Variants in SCN10A observed in about 807,000 individuals in gnomAD.
SCN10A encodes the protein sodium channel protein type 10 subunit alpha.
Under a neutral mutation model 170.7 loss-of-function variants are expected in SCN10A, and 162 were observed. The observed-to-expected ratio is 0.95, with a 90% confidence interval of 0.84 to 1.08. SCN10A has a LOEUF of 1.08. SCN10A is among the 50% of genes least tolerant of loss of function. The pLI is 0.00. For synonymous variants in SCN10A, 985 were observed against 904.6 expected (o/e 1.09, Z -1.59); for missense variants, 2,527 against 2,436.9 (o/e 1.04, Z -0.78).
Position 38,792,121 on chromosome 3 carries a change from G to T in SCN10A, c.318C>A (p.Ala106=). The part of the protein sequence containing the change: ...NKGRTISRFS[A]TRALWLFSPF... ...GACTGAATAGCCACAGGGCCCGAGT[G>T]GCACTAAACCGGGAAATGGTCCTCC... The change falls in exon 3 of 28, where the codon GCC becomes GCA. Residue 106 remains alanine (A), a synonymous_variant. Coordinates refer to ENST00000449082, the MANE Select transcript of SCN10A (RefSeq NM_006514.4). 6.2e-7 allele frequency: 1 copy of T among 1,613,812 alleles called. No homozygotes were observed. The highest frequency in any genetic ancestry group is 1.1e-5 in the South Asian group (1 of 91,066).
intron 1 of SCN10A, among the ~76,000 whole-genome samples, chr3:38,809,813 A>G (rs2064428141): frequency 6.6e-6 from 1 of 152,242 alleles, no homozygotes; most frequent in South Asian, 2.1e-4. Flanking sequence ...CAAGGAAATC[A>G]TAATAAAAAT....
At chr3:38,740,863 A>G (rs1212287904) in intron 14 of SCN10A, among the ~76,000 whole-genome samples, 2 of 152,216 alleles carry the variant, frequency 1.3e-5, no homozygotes, top group Non-Finnish European at 2.9e-5. Context: ...TTCTAACTGT[A>G]GAATGAGGGT....
chr3:38,752,327 G>A lies in SCN10A; in HGVS notation c.1647C>T (p.Leu549=), dbSNP rs1576001884. ...LGGGAGQQGP[L]PRSPLPQPSN... Reference sequence around the variant, plus strand: ...TGGGTTGAGGAAGAGGGCTTCTAGGGAGGGGGCCTTGCTGGCCAGCACCCC... The same window carrying A: ...TGGGTTGAGGAAGAGGGCTTCTAGGAAGGGGGCCTTGCTGGCCAGCACCCC... Residue 549 remains leucine, a synonymous_variant, in exon 12 of 28, where the codon CTC becomes CTT. Transcript: ENST00000449082. The A allele has an allele frequency of 1.9e-6, 3 of 1,613,058 alleles. No homozygotes were observed. The highest frequency in any genetic ancestry group is 2.5e-6 in the Non-Finnish European group (3 of 1,179,564).
Position 38,723,602 on chromosome 3 carries a change from G to T in SCN10A, c.3229-49C>A, listed in dbSNP as rs553445383. On this transcript the variant is annotated intron_variant, in intron 18 of 27. Transcript: ENST00000449082. ...GTGAACTCGTCTCTCCGCGGGGCCC[G>T]GGGAATTGCACACGGTCACTGCAGG... 7.1e-6 allele frequency: 11 copies of T among 1,547,072 alleles called. No individual in the cohort carries two copies. In the Admixed American group the frequency reaches 2.2e-4, roughly 30 times the overall value.
intron 13 of SCN10A, 52 bp from the exon 14 acceptor site, chr3:38,742,581 C>T (rs770559204): frequency 7.1e-7 from 1 of 1,406,116 alleles, no homozygotes; most frequent in South Asian, 1.2e-5. Context: ...CACCTTGGAC[C>T]CCAATTCTGC....
At chr3:38,721,649 C>T (rs1470662937) in intron 20 of SCN10A, among the ~76,000 whole-genome samples, 1 of 152,222 alleles carries the variant, frequency 6.6e-6, no homozygotes, top group African/African-American at 2.4e-5. Flanking sequence ...GTGCAAGCAT[C>T]ACCTGGGAGC....
chr3:38,791,075 T>C (rs2064274878), intron 3 of SCN10A, among the ~76,000 whole-genome samples: 1 of 152,208 alleles, frequency 6.6e-6, no homozygotes, highest in Admixed American at 6.5e-5. Context: ...TCCAACAATC[T>C]GCCTCAGAGT....
intron 4 of SCN10A, among the ~76,000 whole-genome samples, chr3:38,776,127 A>G (rs2064071091): frequency 6.6e-6 from 1 of 152,104 alleles, no homozygotes; most frequent in African/African-American, 2.4e-5. Context: ...GGGTACTAGG[A>G]CAAAAGGATC....
intron 27 of SCN10A, among the ~76,000 whole-genome samples, chr3:38,701,079 A>G (rs1384485241): frequency 6.6e-6 from 1 of 152,196 alleles, no homozygotes; most frequent in Admixed American, 6.5e-5. Flanking sequence ...AATAAGGATA[A>G]TAACACCTGC....
intron 1 of SCN10A, among the ~76,000 whole-genome samples, chr3:38,799,591 G>A (rs1015060894): frequency 1.3e-5 from 2 of 152,146 alleles, no homozygotes; most frequent in East Asian, 3.9e-4. Context: ...TGAATACATG[G>A]CTGTACTTGC....
At position 38,769,239 on chromosome 3, in the gene SCN10A, C is replaced by CTTTTTTTT. The variant is rs56406440; in HGVS notation, c.599+2032_599+2039dup. On this transcript the variant is annotated intron_variant, in intron 5 of 27. Transcript: ENST00000449082. ...CACTTAATAATCAGCCTTCTGAATT[C>CTTTTTTTT]TTTTTTTTTTTTTTTTGAGATGGAT... is the stretch of plus-strand genomic sequence containing the variant. Among the ~76,000 whole-genome samples, 89 of 109,944 alleles carry CTTTTTTTT rather than the reference C, an allele frequency of 8.1e-4. 3 individuals carry two copies. The highest frequency in any genetic ancestry group is 2.1e-3 in the African/African-American group (61 of 28,742). 72.1% of individuals were successfully genotyped at this position (109,944 alleles called of 152,430 possible).
At position 38,722,361 on chromosome 3, in the gene SCN10A, C is replaced by T. The variant is rs1409110733; in HGVS notation, c.3404G>A (p.Trp1135Ter). 1.2e-6 allele frequency: 2 copies of T among 1,614,032 alleles called. No individual in the cohort carries two copies. The highest frequency in any genetic ancestry group is 1.3e-5 in the African/African-American group (1 of 74,922). Residue 1135 changes from tryptophan to a stop codon, truncating the protein, a stop_gained, in exon 20 of 28, where the codon TGG (tryptophan) becomes TAG (stop). Coordinates refer to ENST00000449082, the MANE Select transcript of SCN10A (RefSeq NM_006514.4). LOFTEE classifies it high-confidence loss of function. ...CTTGCGCACCTGCCAGCCCACATCC[C>T]ATGGACTCTTGGTGGTATCCAGTTT... ...CCKLDTTKSP[W>*]DVGWQVRKTC...
At chr3:38,773,603 C>T (rs928874889) in intron 4 of SCN10A, among the ~76,000 whole-genome samples, 1 of 151,812 alleles carries the variant, frequency 6.6e-6, no homozygotes, top group African/African-American at 2.4e-5. Flanking sequence ...GAAAACTGAG[C>T]AAACAAAAAA....
At chr3:38,707,256 T>C in intron 26 of SCN10A, 23 bp downstream of exon 26, 1 of 1,611,574 alleles carries the variant, frequency 6.2e-7, no homozygotes. Context: ...CAGGCTGTGC[T>C]AGAGGAAACC....
In SCN10A at chr3:38,752,121, G is replaced by A. The variant is rs993517528; in HGVS notation, c.1755+98C>T. The A allele has an allele frequency of 3.1e-5, 34 of 1,112,670 alleles. No homozygotes were observed. The Admixed American group carries it at 7.5e-4, about 24-fold the overall frequency. 68.9% of individuals were successfully genotyped at this position (1,112,670 alleles called of 1,614,324 possible). On this transcript the variant is annotated intron_variant, in intron 12 of 27. Transcript: ENST00000449082. ...ATGGGGAGGCATTGGACAGGATGAT[G>A]GCTAAAGATCCCTTCCATTGGTGAT...
intron 20 of SCN10A, among the ~76,000 whole-genome samples, chr3:38,720,112 G>T (rs550920542): frequency 2.0e-5 from 3 of 152,206 alleles, no homozygotes; most frequent in Non-Finnish European, 2.9e-5. Context: ...AGCTGAAGCC[G>T]GATTTCAACT....
intron 16 of SCN10A, 42 bp from the exon 17 acceptor site, chr3:38,727,094 G>A: frequency 1.3e-6 from 2 of 1,562,604 alleles, no homozygotes; most frequent in Non-Finnish European, 1.7e-6. Flanking sequence ...CAATCTCTAA[G>A]CTGAGCCCCA....
At chr3:38,726,461 C>G in intron 17 of SCN10A, 145 bp downstream of exon 17, 1 of 626,590 alleles carries the variant, frequency 1.6e-6, no homozygotes, top group Non-Finnish European at 2.6e-6. Flanking sequence ...AGGCCCTGCT[C>G]AAACGCCAAC....
chr3:38,794,118 G>T, intron 1 of SCN10A, 76 bp from the exon 2 acceptor site: 2 of 1,052,234 alleles, frequency 1.9e-6, no homozygotes, highest in Non-Finnish European at 2.9e-6. Context: ...GTCCCATCTT[G>T]ATTGTCAGAA....
Sources: gnomAD v4.1 joint callset for allele counts (sites outside exome capture counted in the v4.1 genomes callset) on GRCh38, gnomAD v4.1.1 for gene constraint, MANE v1.5 for transcripts, NCBI Gene and HGNC (gene_info 2026-07-23, HGNC 2026-07-21) for gene names.